Variants in LAMA2 observed in about 807,000 individuals in gnomAD.
LAMA2 encodes the protein laminin subunit alpha 2.
A neutral mutation model predicts 364.8 loss-of-function variants in LAMA2; 269 were observed. The observed-to-expected ratio is 0.74, with a 90% CI of 0.67 to 0.82. LAMA2 has a LOEUF of 0.82. Among genes scored for constraint, LAMA2 ranks in the 40% least tolerant of loss-of-function variants. LAMA2 has a pLI of 0.00. For missense variants in LAMA2, 3,807 were observed against 3,873.2 expected (o/e 0.98, Z 0.45); for synonymous variants, 1,379 against 1,370.6 (o/e 1.01, Z -0.14).
At chr6:129,394,450 G>C (rs546108532) in intron 37 of LAMA2, among the ~76,000 whole-genome samples, 27 of 152,022 alleles carry the variant, frequency 1.8e-4, no homozygotes, top group Non-Finnish European at 2.2e-4. Flanking sequence ...TTTTATTTCC[G>C]TGTCCCTCTT....
chr6:129,097,984 A>G (rs550840043), intron 3 of LAMA2, among the ~76,000 whole-genome samples, 189 bp from the exon 4 acceptor site: 2 of 152,380 alleles, frequency 1.3e-5, no homozygotes, highest in African/African-American at 4.8e-5. Flanking sequence ...TTGTCAAAAC[A>G]AAACATCACT....
At chr6:128,993,646 TA>T (rs1295877336) in intron 1 of LAMA2, among the ~76,000 whole-genome samples, 2 of 152,128 alleles carry the variant, frequency 1.3e-5, no homozygotes, top group Non-Finnish European at 2.9e-5. Flanking sequence ...GCCTTTGATG[TA>T]AAAAGATTGT....
chr6:129,277,205 A>G (rs1788391689), intron 17 of LAMA2, among the ~76,000 whole-genome samples: 1 of 152,168 alleles, frequency 6.6e-6, no homozygotes, highest in Non-Finnish European at 1.5e-5. Flanking sequence ...GAGTTAAATG[A>G]CATAATCTTG....
chr6:129,038,241 C>CT (rs780176318), intron 1 of LAMA2, among the ~76,000 whole-genome samples: 3 of 152,064 alleles, frequency 2.0e-5, no homozygotes, highest in Admixed American at 6.5e-5. Flanking sequence ...TTTCCCTTCA[C>CT]TTTTTTTCTA....
Position 129,466,272 on chromosome 6 carries a change from G to A in LAMA2, c.7300+983G>A, listed in dbSNP as rs184687867. ...GCTAATTGCTGTGATAGAGATGTATGTAGCCAGCGAGCAATCTCAGAAGAG... is the reference window on the plus strand; with the variant it reads ...GCTAATTGCTGTGATAGAGATGTATATAGCCAGCGAGCAATCTCAGAAGAG... On this transcript the variant is annotated intron_variant, in intron 51 of 64. Coordinates refer to ENST00000421865, the MANE Select transcript of LAMA2 (RefSeq NM_000426.4). Among the ~76,000 whole-genome samples the A allele has an allele frequency of 1.5e-3, 231 of 152,038 alleles. 1 individual carries two copies. The highest frequency in any genetic ancestry group is 5.4e-3 in the African/African-American group (223 of 41,532).
In LAMA2 at chr6:129,131,017, C is replaced by T. The variant is rs146344180; in HGVS notation, c.640-12884C>T. ...CCCTTTTCTTTTTGCTAAGAAAGAACGGTTGTATTTTTGTCCTTAATAGAA... is the reference window on the plus strand; with the variant it reads ...CCCTTTTCTTTTTGCTAAGAAAGAATGGTTGTATTTTTGTCCTTAATAGAA... On this transcript the variant is annotated intron_variant, in intron 4 of 64. Transcript: ENST00000421865. Among the ~76,000 whole-genome samples the T allele has an allele frequency of 3.1e-3, 478 of 152,162 alleles. 4 individuals are homozygous for T. Among genetic ancestry groups the T allele is most frequent in the African/African-American group, 9.5e-3 (395 of 41,526 alleles).
chr6:129,424,514 G>A (rs916184115), intron 40 of LAMA2, among the ~76,000 whole-genome samples: 3 of 151,320 alleles, frequency 2.0e-5, no homozygotes, highest in African/African-American at 7.3e-5. Context: ...TTATTCATAT[G>A]TATCATTCAA....
intron 34 of LAMA2, among the ~76,000 whole-genome samples, chr6:129,377,491 A>G (rs1010428245): frequency 1.2e-4 from 19 of 152,298 alleles, no homozygotes; most frequent in African/African-American, 3.6e-4. Context: ...GAACTGGCTC[A>G]TTGTCATTCC....
At chr6:129,139,233 T>C (rs1296296010) in intron 4 of LAMA2, among the ~76,000 whole-genome samples, 1 of 152,070 alleles carries the variant, frequency 6.6e-6, no homozygotes, top group Non-Finnish European at 1.5e-5. Context: ...ATTGTTGCAT[T>C]GTTCCCTTTC....
chr6:129,407,834 A>T (rs1780322661), intron 40 of LAMA2, among the ~76,000 whole-genome samples: 1 of 152,134 alleles, frequency 6.6e-6, no homozygotes, highest in Admixed American at 6.5e-5. Flanking sequence ...ATATTAAGAG[A>T]TGCCCTATGG....
At chr6:129,127,079 G>T (rs1245963078) in intron 4 of LAMA2, among the ~76,000 whole-genome samples, 1 of 151,774 alleles carries the variant, frequency 6.6e-6, no homozygotes, top group Non-Finnish European at 1.5e-5. Context: ...AAGAAAAAAA[G>T]AAAAATCTGA....
chr6:129,268,474 C>CATGAT (rs1787666967), intron 16 of LAMA2, among the ~76,000 whole-genome samples: 1 of 152,044 alleles, frequency 6.6e-6, no homozygotes, highest in Non-Finnish European at 1.5e-5. Context: ...ATACCAAACT[C>CATGAT]ATGATGTTCC....
intron 32 of LAMA2, among the ~76,000 whole-genome samples, chr6:129,364,653 C>G (rs1169074246): frequency 1.3e-5 from 2 of 152,188 alleles, no homozygotes; most frequent in African/African-American, 4.8e-5. Context: ...CCATTTGTCT[C>G]TCTACCAATT....
chr6:129,312,659 T>C (rs1774301482), intron 22 of LAMA2, among the ~76,000 whole-genome samples: 1 of 152,224 alleles, frequency 6.6e-6, no homozygotes, highest in African/African-American at 2.4e-5. Flanking sequence ...TGGACGATCA[T>C]ATATTTCCAT....
In LAMA2 at chr6:129,481,323, G is replaced by C; in HGVS notation, c.7633G>C (p.Asp2545His). The change falls in exon 55 of 65, where the codon GAT (aspartate) becomes CAT (histidine). Residue 2545 changes from aspartate (D) to histidine (H), a missense_variant. Asp to His is a moderately conservative substitution (Grantham distance 81, BLOSUM62 -1). Transcript: ENST00000421865. ...TGTGGAGCTCTCCCCTGTGCCAATT[G>C]ATGTAGGAACAGAAATCAACCTGTC... ...GFVELSPVPI[D>H]VGTEINLSFS... 2 of 1,613,688 alleles carry C rather than the reference G, an allele frequency of 1.2e-6. No homozygotes were observed. The highest frequency in any genetic ancestry group is 1.7e-6 in the Non-Finnish European group (2 of 1,179,694).
intron 12 of LAMA2, among the ~76,000 whole-genome samples, chr6:129,211,252 C>T (rs1489481446): frequency 6.6e-6 from 1 of 152,096 alleles, no homozygotes; most frequent in African/African-American, 2.4e-5. Flanking sequence ...ACTGATGATA[C>T]ACAAACCCAG....
At chr6:129,203,390 C>T (rs1232163010) in intron 12 of LAMA2, among the ~76,000 whole-genome samples, 1 of 152,226 alleles carries the variant, frequency 6.6e-6, no homozygotes, top group Non-Finnish European at 1.5e-5. Flanking sequence ...CTGCCACTTG[C>T]AATAGATCAG....
At chr6:129,388,087 A>G (rs1424490673) in intron 35 of LAMA2, among the ~76,000 whole-genome samples, 1 of 151,146 alleles carries the variant, frequency 6.6e-6, no homozygotes, top group Admixed American at 6.6e-5. Flanking sequence ...GCAAAACCCC[A>G]TCTCTACTAA....
At chr6:129,174,850 CCTAT>C (rs1219255730) in intron 9 of LAMA2, among the ~76,000 whole-genome samples, 1 of 151,890 alleles carries the variant, frequency 6.6e-6, no homozygotes, top group Non-Finnish European at 1.5e-5. Context: ...TACCTACCTA[CCTAT>C]CTATTTTTCT....
Sources: gnomAD v4.1 joint callset for allele counts (sites outside exome capture counted in the v4.1 genomes callset) on GRCh38, gnomAD v4.1.1 for gene constraint, MANE v1.5 for transcripts, NCBI Gene and HGNC (gene_info 2026-07-23, HGNC 2026-07-21) for gene names.